KCNH1: variants seen among roughly 807,000 people sequenced by gnomAD.
The protein encoded by KCNH1 is voltage-gated delayed rectifier potassium channel KCNH1.
In KCNH1, 27 loss-of-function variants were observed where a neutral mutation model predicts 69.2. That is an observed-to-expected ratio of 0.39 (90% confidence interval 0.29 to 0.54). The LOEUF is 0.54. KCNH1 is among the 20% of genes least tolerant of loss of function. The pLI is 0.68. For synonymous variants in KCNH1, 456 were observed against 487.7 expected (o/e 0.93, Z 0.86); for missense variants, 798 against 1,261.6 (o/e 0.63, Z 5.57).
At chr1:210,768,881 A>C (rs1370044830) in intron 10 of KCNH1, among the ~76,000 whole-genome samples, 1 of 152,166 alleles carries the variant, frequency 6.6e-6, no homozygotes, top group East Asian at 1.9e-4. Flanking sequence ...AGGACCCATG[A>C]AAGACTGCAC....
At chr1:210,896,162 A>G (rs1686862677) in intron 7 of KCNH1, among the ~76,000 whole-genome samples, 1 of 152,180 alleles carries the variant, frequency 6.6e-6, no homozygotes. Context: ...ATTTTATGTA[A>G]GGGAACTAAA....
chr1:210,865,141 A>C (rs115332907), intron 7 of KCNH1, among the ~76,000 whole-genome samples: 2,895 of 152,332 alleles, frequency 0.019, 92 homozygotes, highest in African/African-American at 0.065. Context: ...GTGGAATGGA[A>C]GGTAATGTTA....
chr1:210,739,309 G>A (rs941959184), intron 10 of KCNH1, among the ~76,000 whole-genome samples: 2 of 152,192 alleles, frequency 1.3e-5, no homozygotes, highest in African/African-American at 4.8e-5. Flanking sequence ...GTTCTCAATA[G>A]TGCTCACTCC....
chr1:211,114,404 A>G (rs1411474063), intron 1 of KCNH1, among the ~76,000 whole-genome samples: 2 of 152,182 alleles, frequency 1.3e-5, no homozygotes, highest in Non-Finnish European at 2.9e-5. Flanking sequence ...TTTGCTATTC[A>G]GTAAGATGGG....
chr1:210,724,193 T>TTCTC (rs1299470807), intron 10 of KCNH1, among the ~76,000 whole-genome samples: 1 of 152,262 alleles, frequency 6.6e-6, no homozygotes, highest in African/African-American at 2.4e-5. Flanking sequence ...TCCAAAGTGA[T>TTCTC]TCTCTTAGTA....
Position 210,900,625 on chromosome 1 carries a change from C to T in KCNH1, c.1462+19015G>A, listed in dbSNP as rs1246539128. Among the ~76,000 whole-genome samples the T allele has an allele frequency of 2.0e-5, 3 of 152,056 alleles. No homozygotes were observed. In the South Asian group the frequency reaches 6.2e-4, roughly 32 times the overall value. The stretch of plus-strand genomic sequence containing the variant: ...CAGATGCAGATTCAGTGCAATTAGC[C>T]ACCTTACTAATTCTGGTGCATAAAC... On this transcript the variant is annotated intron_variant, in intron 7 of 10. Transcript: ENST00000271751.
At chr1:210,776,726 T>C (rs1386673665) in intron 9 of KCNH1, among the ~76,000 whole-genome samples, 2 of 152,162 alleles carry the variant, frequency 1.3e-5, no homozygotes, top group African/African-American at 4.8e-5. Context: ...CAGACTATGG[T>C]ATTTTGTTAT....
At chr1:210,753,926 T>C (rs1248248612) in intron 10 of KCNH1, among the ~76,000 whole-genome samples, 6 of 148,672 alleles carry the variant, frequency 4.0e-5, no homozygotes, top group African/African-American at 1.5e-4. Flanking sequence ...TTTTTTTTTT[T>C]CTTTTTGAGA....
intron 1 of KCNH1, among the ~76,000 whole-genome samples, chr1:211,113,368 T>A (rs920235554): frequency 7.2e-5 from 11 of 152,244 alleles, no homozygotes; most frequent in African/African-American, 2.4e-4. Context: ...TATTCTGCCT[T>A]CTGATATACA....
At chr1:210,773,608 G>T (rs1683796067) in intron 10 of KCNH1, among the ~76,000 whole-genome samples, 2 of 152,208 alleles carry the variant, frequency 1.3e-5, no homozygotes, top group Admixed American at 1.3e-4. Context: ...TGCTCAAACT[G>T]CCCCTCCCAG....
At chr1:210,713,483 G>A (rs758162936) in intron 10 of KCNH1, among the ~76,000 whole-genome samples, 3 of 152,344 alleles carry the variant, frequency 2.0e-5, no homozygotes, top group South Asian at 2.1e-4. Context: ...TGCCAGGACT[G>A]TGGTAGGCTC....
intron 9 of KCNH1, among the ~76,000 whole-genome samples, chr1:210,789,355 G>A (rs1445679993): frequency 6.6e-6 from 1 of 152,144 alleles, no homozygotes; most frequent in African/African-American, 2.4e-5. Context: ...TTTTGTTGTT[G>A]CTTTAGATCT....
intron 2 of KCNH1, among the ~76,000 whole-genome samples, chr1:211,106,547 G>A (rs1691351475): frequency 6.6e-6 from 1 of 151,618 alleles, no homozygotes; most frequent in African/African-American, 2.4e-5. Flanking sequence ...ACTTTGGGAG[G>A]CCAAGGCGGG....
intron 6 of KCNH1, among the ~76,000 whole-genome samples, chr1:210,922,383 C>CAAAAAAAAAAAAAAA (rs758026291): frequency 5.1e-5 from 5 of 98,318 alleles, no homozygotes; most frequent in Non-Finnish European, 8.4e-5. Context: ...GACTCCGTCT[C>CAAAAAAAAAAAAAAA]AAAAAAAAAA....
intron 6 of KCNH1, among the ~76,000 whole-genome samples, chr1:211,013,459 T>C (rs903100071): frequency 2.0e-5 from 3 of 151,624 alleles, no homozygotes; most frequent in Non-Finnish European, 4.4e-5. Flanking sequence ...TCCACGAAAA[T>C]GAAGGGAACA....
At chr1:211,106,630 CAAAAAA>C (rs370857373) in intron 2 of KCNH1, among the ~76,000 whole-genome samples, 1,486 of 137,700 alleles carry the variant, frequency 0.011, 11 homozygotes, top group South Asian at 0.02. Flanking sequence ...ACTAAAAATA[CAAAAAA>C]AAAAAAAAAT....
At chr1:210,996,373 G>A (rs1266089510) in intron 6 of KCNH1, among the ~76,000 whole-genome samples, 6 of 152,166 alleles carry the variant, frequency 3.9e-5, no homozygotes, top group African/African-American at 1.4e-4. Context: ...CGCCCATGGA[G>A]TCTCGCTCAT....
At chr1:210,825,563 A>T (rs1347887786) in intron 7 of KCNH1, among the ~76,000 whole-genome samples, 2 of 152,194 alleles carry the variant, frequency 1.3e-5, no homozygotes, top group African/African-American at 2.4e-5. Flanking sequence ...CTAGTATTAT[A>T]AAAATAGTTT....
intron 9 of KCNH1, among the ~76,000 whole-genome samples, chr1:210,782,641 G>A (rs902229976): frequency 6.6e-6 from 1 of 152,098 alleles, no homozygotes; most frequent in Non-Finnish European, 1.5e-5. Flanking sequence ...CAGGAGAATT[G>A]CTTGGACCTA....
Sources: gnomAD v4.1 joint callset for allele counts (sites outside exome capture counted in the v4.1 genomes callset) on GRCh38, gnomAD v4.1.1 for gene constraint, MANE v1.5 for transcripts, NCBI Gene and HGNC (gene_info 2026-07-23, HGNC 2026-07-21) for gene names.